Variants in CATSPERB observed in about 807,000 individuals in gnomAD.
CATSPERB encodes cation channel sperm-associated auxiliary subunit beta.
In CATSPERB, 93 loss-of-function variants were observed where a neutral mutation model predicts 128.3. The observed-to-expected ratio is 0.72, with a 90% CI of 0.61 to 0.86. The LOEUF is 0.86. Ranked by LOEUF, CATSPERB falls within the 40% of genes least tolerant of loss-of-function variation. CATSPERB has a pLI of 0.00. For missense variants in CATSPERB, 1,153 were observed against 1,329.5 expected (o/e 0.87, Z 2.06); for synonymous variants, 381 against 448.8 (o/e 0.85, Z 1.91).
intron 23 of CATSPERB, 135 bp from the exon 24 acceptor site, chr14:91,589,804 T>A (rs1323815399): frequency 1.4e-6 from 1 of 727,654 alleles, no homozygotes; most frequent in Non-Finnish European, 2.2e-6. Flanking sequence ...GGTTTCTGCC[T>A]TTTCAGTCAT....
At chr14:91,633,869 G>A (rs1274690016) in intron 17 of CATSPERB, among the ~76,000 whole-genome samples, 1 of 151,944 alleles carries the variant, frequency 6.6e-6, no homozygotes, top group African/African-American at 2.4e-5. Flanking sequence ...GAGAGAGAGT[G>A]TCAGGAACAA....
intron 17 of CATSPERB, 142 bp downstream of exon 17, chr14:91,636,283 A>G: frequency 1.4e-6 from 1 of 706,016 alleles, no homozygotes; most frequent in Non-Finnish European, 2.4e-6. Context: ...GCATTGCTTG[A>G]GCCTGGGAGA....
At chr14:91,612,691 T>C (rs1362189951) in intron 20 of CATSPERB, among the ~76,000 whole-genome samples, 1 of 152,230 alleles carries the variant, frequency 6.6e-6, no homozygotes, top group East Asian at 1.9e-4. Flanking sequence ...GTTCTGGTAG[T>C]GGTCATTTTG....
rs1566726712 is a variant in CATSPERB, at chr14:91,672,999, A to G, written c.996T>C (p.Tyr332=). The G allele has an allele frequency of 1.9e-6, 3 of 1,578,712 alleles. No homozygotes were observed. The South Asian group carries it at 3.6e-5, about 19-fold the overall frequency. ...CCCATTCAAGAAATGGTTCCTGACT[A>G]TAAAAACAAGAGCTTGACTATAAAA... The part of the protein sequence containing the change: ...RTLSESSSCF[Y]SQEPFLEWVP... Residue 332 remains tyrosine, a synonymous_variant, in exon 13 of 27, where the codon TAT becomes TAC. Transcript: ENST00000256343.
rs183790399 is a variant in CATSPERB at position 91,603,169 on chromosome 14, A to G, written c.2709+5125T>C. 3.9e-4 allele frequency: 306 copies of G among 790,070 alleles called. 1 individual carries two copies. The highest frequency in any genetic ancestry group is 1.6e-4 in the Non-Finnish European group (67 of 427,246). 48.9% of individuals were successfully genotyped at this position (790,070 alleles called of 1,614,324 possible). A position where few individuals can be genotyped will look rare whatever the true frequency, so the allele number is the denominator to read the frequency against. The stretch of plus-strand genomic sequence containing the variant: ...TGTATACCTTCATGTATCTTTTACT[A>G]TACCTTTCAATATCTTGTCTTTCTT... On this transcript the variant is annotated intron_variant, in intron 22 of 26. Transcript: ENST00000256343.
chr14:91,605,863 C>T (rs140530051), intron 22 of CATSPERB, among the ~76,000 whole-genome samples: 33 of 152,304 alleles, frequency 2.2e-4, no homozygotes, highest in African/African-American at 7.2e-4. Flanking sequence ...CTACTACTGG[C>T]CTATCTTAAA....
At chr14:91,637,191 G>A (rs1229980088) in intron 16 of CATSPERB, among the ~76,000 whole-genome samples, 1 of 152,090 alleles carries the variant, frequency 6.6e-6, no homozygotes, top group Non-Finnish European at 1.5e-5. Context: ...GAGAGGTAGG[G>A]ACCATCCCCA....
intron 9 of CATSPERB, among the ~76,000 whole-genome samples, chr14:91,691,907 G>A (rs1247884570): frequency 2.6e-5 from 4 of 152,096 alleles, no homozygotes; most frequent in South Asian, 4.1e-4. Flanking sequence ...GGCCTGGCAC[G>A]GTGGCTCACA....
intron 6 of CATSPERB, among the ~76,000 whole-genome samples, chr14:91,707,825 T>G (rs1282577858): frequency 1.3e-5 from 2 of 150,942 alleles, no homozygotes; most frequent in South Asian, 2.1e-4. Flanking sequence ...CAGGCTGGTC[T>G]CAAACTCCTG....
At chr14:91,593,408 A>G (rs1378361926) in intron 22 of CATSPERB, among the ~76,000 whole-genome samples, 1 of 152,260 alleles carries the variant, frequency 6.6e-6, no homozygotes, top group African/African-American at 2.4e-5. Flanking sequence ...CTGCAAAGCC[A>G]CAGGGGTGGA....
chr14:91,699,669 G>T (rs1346135143), intron 7 of CATSPERB, among the ~76,000 whole-genome samples: 4 of 151,426 alleles, frequency 2.6e-5, no homozygotes, highest in Non-Finnish European at 5.9e-5. Context: ...TGCCTCCCGG[G>T]TTCAAGAGAT....
At chr14:91,647,163 A>C (rs1894620217) in intron 15 of CATSPERB, among the ~76,000 whole-genome samples, 1 of 152,234 alleles carries the variant, frequency 6.6e-6, no homozygotes, top group Non-Finnish European at 1.5e-5. Context: ...ATAACCTCTC[A>C]GACAGGTTTT....
chr14:91,582,128 T>A (rs1443952868), intron 26 of CATSPERB, among the ~76,000 whole-genome samples: 1 of 152,234 alleles, frequency 6.6e-6, no homozygotes, highest in East Asian at 1.9e-4. Context: ...GCTACTCTAG[T>A]AGCCTCCTTC....
chr14:91,656,880 T>C (rs1051926575), intron 15 of CATSPERB, among the ~76,000 whole-genome samples: 4 of 151,768 alleles, frequency 2.6e-5, no homozygotes, highest in East Asian at 1.9e-4. Flanking sequence ...TCAGACAAAA[T>C]AGATTTCAAG....
In CATSPERB at chr14:91,693,151, C is replaced by T. The variant is rs200786819; in HGVS notation, c.806G>A (p.Arg269His). The part of the protein sequence containing the change: ...SLGLFVSEDL[R>H]YPSRHSLSFS... ...CGATAAGCTGTGGCGTGATGGATAA[C>T]GAAGATCTTCACTTACAAAAAGGCC... is the stretch of plus-strand genomic sequence containing the variant. The change falls in exon 9 of 27, where the codon CGT (arginine) becomes CAT (histidine). Residue 269 changes from arginine (R) to histidine (H), a missense_variant. Transcript: ENST00000256343. 162 of 1,612,868 alleles carry T rather than the reference C, an allele frequency of 1.0e-4. 1 individual carries two copies. Among genetic ancestry groups the T allele is most frequent in the Middle Eastern group, 3.4e-4 (2 of 5,916 alleles).
At chr14:91,715,305 T>C (rs1352214112) in intron 5 of CATSPERB, among the ~76,000 whole-genome samples, 1 of 152,126 alleles carries the variant, frequency 6.6e-6, no homozygotes, top group Non-Finnish European at 1.5e-5. Context: ...TTCATGCCTA[T>C]AATCCTAGCA....
At chr14:91,723,247 G>A (rs1896064646) in intron 3 of CATSPERB, 58 bp from the exon 4 acceptor site, 1 of 1,297,232 alleles carries the variant, frequency 7.7e-7, no homozygotes, top group Non-Finnish European at 1.0e-6. Context: ...AGACACACAA[G>A]TTAGTTAATC....
chr14:91,590,690 T>C (rs1566694824), intron 23 of CATSPERB, among the ~76,000 whole-genome samples: 1 of 152,016 alleles, frequency 6.6e-6, no homozygotes, highest in Non-Finnish European at 1.5e-5. Flanking sequence ...TCTTGCTCTG[T>C]CGCCCAGGCT....
In CATSPERB at chr14:91,659,994, A is replaced by C. The variant is rs1894847626; in HGVS notation, c.1288-13T>G. On this transcript the variant is annotated splice_polypyrimidine_tract_variant and intron_variant, in intron 14 of 26. Coordinates refer to ENST00000256343, the MANE Select transcript of CATSPERB (RefSeq NM_024764.4). ...CTGAAAGCCATATCTAAAGGAATAAAGAGATAATACCTTACTAAAGGGCTG... is the reference window on the plus strand; with the variant it reads ...CTGAAAGCCATATCTAAAGGAATAACGAGATAATACCTTACTAAAGGGCTG... The C allele has an allele frequency of 6.4e-7, 1 of 1,573,380 alleles. No homozygotes were observed. Among genetic ancestry groups the C allele is most frequent in the East Asian group, 2.3e-5 (1 of 43,464 alleles).
Sources: gnomAD v4.1 joint callset for allele counts (sites outside exome capture counted in the v4.1 genomes callset) on GRCh38, gnomAD v4.1.1 for gene constraint, MANE v1.5 for transcripts, NCBI Gene and HGNC (gene_info 2026-07-23, HGNC 2026-07-21) for gene names.